Variants in AGBL1 observed in about 807,000 individuals in gnomAD.
AGBL1 encodes AGBL carboxypeptidase 1, also known as cytosolic carboxypeptidase 4.
Under a neutral mutation model 118.9 loss-of-function variants are expected in AGBL1, and 130 were observed. The observed-to-expected ratio is 1.09, with a 90% CI of 0.95 to 1.26. AGBL1 has a LOEUF of 1.26. AGBL1 is among the 50% of genes most tolerant of loss of function. The pLI, the probability that AGBL1 is intolerant of heterozygous loss-of-function variation, is 0.00. For missense variants in AGBL1, 1,584 were observed against 1,298.1 expected (o/e 1.22, Z -3.38); for synonymous variants, 555 against 478.9 (o/e 1.16, Z -2.08).
At chr15:86,151,353 G>T (rs2077107669) in intron 3 of AGBL1, among the ~76,000 whole-genome samples, 1 of 149,098 alleles carries the variant, frequency 6.7e-6, no homozygotes, top group Non-Finnish European at 1.5e-5. Context: ...CTTCATCCCT[G>T]GGATGCAAGG....
chr15:86,528,586 C>G (rs536517345), intron 19 of AGBL1, among the ~76,000 whole-genome samples: 1 of 131,388 alleles, frequency 7.6e-6, no homozygotes, highest in East Asian at 2.3e-4. Flanking sequence ...CCGGGAAGCT[C>G]GAACTGGGTG....
intron 19 of AGBL1, among the ~76,000 whole-genome samples, chr15:86,533,286 C>A (rs927330086): frequency 4.7e-5 from 6 of 127,402 alleles, no homozygotes; most frequent in African/African-American, 2.0e-4. Flanking sequence ...ACAACCCAGT[C>A]AAAAAGTGGG....
chr15:86,557,722 G>A (rs1421941794), intron 21 of AGBL1, among the ~76,000 whole-genome samples: 1 of 152,024 alleles, frequency 6.6e-6, no homozygotes, highest in Non-Finnish European at 1.5e-5. Flanking sequence ...GGTGAGTAAG[G>A]CCTTTTACAA....
chr15:86,183,590 G>T (rs1408628700), intron 5 of AGBL1, among the ~76,000 whole-genome samples: 1 of 152,116 alleles, frequency 6.6e-6, no homozygotes, highest in African/African-American at 2.4e-5. Flanking sequence ...AATAAAACAT[G>T]AGCAGTGGAC....
At position 86,393,153 on chromosome 15, in the gene AGBL1, C is replaced by A. The variant is rs1213347130; in HGVS notation, c.2375-4213C>A. On this transcript the variant is annotated intron_variant, in intron 17 of 22. Coordinates refer to ENST00000614907, the MANE Select transcript of AGBL1 (RefSeq NM_001386094.1). The stretch of plus-strand genomic sequence containing the variant: ...CCATCGTTGTCCCCATTTGCTTCTT[C>A]AGGATACTAGAACAGCCTGCAAGGT... Among the ~76,000 whole-genome samples the A allele has an allele frequency of 4.6e-5, 7 of 152,206 alleles. No homozygotes were observed. The East Asian group carries it at 1.2e-3, about 25-fold the overall frequency.
chr15:86,757,768 CCT>C (rs893809177), intron 22 of AGBL1, among the ~76,000 whole-genome samples: 1 of 152,026 alleles, frequency 6.6e-6, no homozygotes, highest in African/African-American at 2.4e-5. Flanking sequence ...GCCCATTATG[CCT>C]CTCTAAGCGG....
At chr15:86,471,202 A>G (rs559153478) in intron 18 of AGBL1, among the ~76,000 whole-genome samples, 40 of 152,150 alleles carry the variant, frequency 2.6e-4, no homozygotes, top group Non-Finnish European at 5.0e-4. Flanking sequence ...GACCTTTTTA[A>G]TATTAAGATA....
chr15:86,870,454 C>CA lies in AGBL1; in HGVS notation c.3159-36591dup, dbSNP rs770556494. ...GGCAAGAAAAAAGTAAAGCATACTG[C>CA]AAAAAAAAAAAAAAAAAAAAAAAAA... is the stretch of plus-strand genomic sequence containing the variant. On this transcript the variant is annotated intron_variant, in intron 22 of 22. Coordinates refer to ENST00000614907, the MANE Select transcript of AGBL1 (RefSeq NM_001386094.1). 3.6e-4 allele frequency among the ~76,000 whole-genome samples: 23 copies of CA among 64,112 alleles called. 1 individual carries two copies. The highest frequency in any genetic ancestry group is 4.7e-4 in the Non-Finnish European group (17 of 36,188). 42.1% of individuals were successfully genotyped at this position (64,112 alleles called of 152,430 possible). A position where few individuals can be genotyped will look rare whatever the true frequency, so the allele number is the denominator to read the frequency against.
intron 18 of AGBL1, among the ~76,000 whole-genome samples, chr15:86,438,971 T>G (rs1237459219): frequency 6.6e-6 from 1 of 152,116 alleles, no homozygotes; most frequent in African/African-American, 2.4e-5. Context: ...TGATAGTCTG[T>G]ATTTTATCTG....
chr15:86,724,779 C>T (rs1396866834), intron 22 of AGBL1, among the ~76,000 whole-genome samples: 1 of 151,990 alleles, frequency 6.6e-6, no homozygotes, highest in African/African-American at 2.4e-5. Context: ...TCTTGTAAGA[C>T]CCGGTTGTTT....
rs534244630 is a variant in AGBL1, at chr15:86,258,002, G to C, written c.940G>C (p.Asp314His). ...EDDGDDEVDK[D>H]SDTEDGKVED... Reference sequence around the variant, plus strand: ...TGATGGCGATGATGAAGTGGACAAAGACTCTGATACTGAAGATGGGAAAGT... The same window carrying C: ...TGATGGCGATGATGAAGTGGACAAACACTCTGATACTGAAGATGGGAAAGT... The change falls in exon 9 of 23, where the codon GAC (aspartate) becomes CAC (histidine). Residue 314 changes from aspartate (D) to histidine (H), a missense_variant. Asp to His is a moderately conservative substitution (Grantham distance 81). Transcript: ENST00000614907. 1.9e-6 allele frequency: 3 copies of C among 1,613,780 alleles called. No individual in the cohort carries two copies. The highest frequency in any genetic ancestry group is 4.5e-5 in the East Asian group (2 of 44,862).
chr15:86,920,182 A>G (rs2080470156), downstream of AGBL1, among the ~76,000 whole-genome samples: 1 of 152,124 alleles, frequency 6.6e-6, no homozygotes, highest in Non-Finnish European at 1.5e-5. Flanking sequence ...TTCCAAGCTC[A>G]AACTGTTGTC....
chr15:86,653,122 A>G (rs1279333086), intron 21 of AGBL1, among the ~76,000 whole-genome samples: 1 of 151,978 alleles, frequency 6.6e-6, no homozygotes, highest in Non-Finnish European at 1.5e-5. Flanking sequence ...GATATTGCCG[A>G]GTAGCCTTCT....
At chr15:86,496,027 C>T (rs2082850237) in intron 18 of AGBL1, among the ~76,000 whole-genome samples, 2 of 151,718 alleles carry the variant, frequency 1.3e-5, no homozygotes, top group Non-Finnish European at 2.9e-5. Context: ...AAATTTTCAA[C>T]CTGATATAGT....
In AGBL1 at chr15:86,175,839, G is replaced by T. The variant is rs140727838; in HGVS notation, c.488+16813G>T. Among the ~76,000 whole-genome samples, 26 of 152,246 alleles carry T rather than the reference G, an allele frequency of 1.7e-4. No homozygotes were observed. The East Asian group carries it at 4.6e-3, about 27-fold the overall frequency. ...TTGAGTTCTAGTTTTATTCCACTGT[G>T]ATCTGAAAAGATACTTGATAGGATT... On this transcript the variant is annotated intron_variant, in intron 5 of 22. Transcript: ENST00000614907.
chr15:86,283,423 C>T (rs1356414541), intron 16 of AGBL1, among the ~76,000 whole-genome samples: 1 of 147,888 alleles, frequency 6.8e-6, no homozygotes, highest in African/African-American at 2.5e-5. Context: ...TTTTACCAGA[C>T]ACATATACCC....
intron 23 of AGBL1, among the ~76,000 whole-genome samples, chr15:86,945,510 A>T (rs912211268): frequency 6.6e-6 from 1 of 151,768 alleles, no homozygotes; most frequent in Non-Finnish European, 1.5e-5. Flanking sequence ...CTCTACAAAA[A>T]ATACAAAAAA....
chr15:86,526,493 T>G (rs2083263417), intron 19 of AGBL1, among the ~76,000 whole-genome samples: 1 of 147,164 alleles, frequency 6.8e-6, no homozygotes, highest in Non-Finnish European at 1.5e-5. Flanking sequence ...GATGAGTGGA[T>G]GAAGAAAATG....
intron 18 of AGBL1, among the ~76,000 whole-genome samples, chr15:86,456,676 G>T (rs922663796): frequency 6.6e-6 from 1 of 152,142 alleles, no homozygotes; most frequent in African/African-American, 2.4e-5. Context: ...CATTGATTAG[G>T]ATATTTCAGC....
Sources: gnomAD v4.1 joint callset for allele counts (sites outside exome capture counted in the v4.1 genomes callset) on GRCh38, gnomAD v4.1.1 for gene constraint, MANE v1.5 for transcripts, NCBI Gene and HGNC (gene_info 2026-07-23, HGNC 2026-07-21) for gene names.